PRKACB: variants seen among roughly 807,000 people sequenced by gnomAD.
PRKACB encodes the protein cAMP-dependent protein kinase catalytic subunit beta.
A neutral mutation model predicts 51.4 loss-of-function variants in PRKACB; 16 were observed. That is an observed-to-expected ratio of 0.31 (90% CI 0.21 to 0.47). The LOEUF (loss-of-function observed/expected upper bound fraction) is 0.47, where lower values mean the gene tolerates loss of function less well. Among genes scored for constraint, PRKACB ranks in the 20% least tolerant of loss-of-function variants. The pLI, the probability that PRKACB is intolerant of heterozygous loss-of-function variation, is 1.00. For missense variants in PRKACB, 309 were observed against 464.5 expected, an observed-to-expected ratio of 0.67 and a Z score of 3.08; for synonymous variants, 147 against 154.4, an observed-to-expected ratio of 0.95 and a Z score of 0.35.
At chr1:84,176,437 G>T (rs545852206) in intron 1 of PRKACB, among the ~76,000 whole-genome samples, 41 of 151,736 alleles carry the variant, frequency 2.7e-4, no homozygotes, top group African/African-American at 9.2e-4. Flanking sequence ...TTGTTTTAGG[G>T]TTACACATAA....
chr1:84,214,922 GT>G (rs1035219669), intron 9 of PRKACB, among the ~76,000 whole-genome samples: 9 of 152,176 alleles, frequency 5.9e-5, no homozygotes, highest in Non-Finnish European at 1.2e-4. Flanking sequence ...ATTAGACAAT[GT>G]CCTAAGGGTT....
chr1:84,236,175 A>G lies in PRKACB; in HGVS notation c.*870A>G, dbSNP rs1676642560. ...GGATTTTAGCCAGTATTTTAATAGA[A>G]CATGATTAATGAAAGTGACAAATTT... On this transcript the variant is annotated 3_prime_UTR_variant, in exon 10 of 10. Coordinates refer to ENST00000370685, the MANE Select transcript of PRKACB (RefSeq NM_182948.4). The G allele has an allele frequency of 6.6e-6, 1 of 152,666 alleles. No homozygotes were observed. The highest frequency in any genetic ancestry group is 2.4e-5 in the African/African-American group (1 of 41,460). 9.5% of individuals were successfully genotyped at this position (152,666 alleles called of 1,614,324 possible).
chr1:84,120,755 C>CT (rs918653822), intron 1 of PRKACB, among the ~76,000 whole-genome samples: 6 of 151,608 alleles, frequency 4.0e-5, no homozygotes, highest in Admixed American at 6.6e-5. Flanking sequence ...GTACATTTTT[C>CT]TTTTTTTTCT....
At chr1:84,206,832 A>G (rs1671412458) in intron 8 of PRKACB, among the ~76,000 whole-genome samples, 3 of 152,204 alleles carry the variant, frequency 2.0e-5, no homozygotes, top group African/African-American at 7.2e-5. Context: ...GTTGCCAGAC[A>G]TCTCTCAAGG....
intron 1 of PRKACB, among the ~76,000 whole-genome samples, chr1:84,139,105 T>C (rs1653131723): frequency 6.6e-6 from 1 of 152,172 alleles, no homozygotes; most frequent in Non-Finnish European, 1.5e-5. Context: ...AAAAACTGAA[T>C]GCTTTCTTCC....
At chr1:84,093,428 A>G (rs1238443237) in intron 1 of PRKACB, among the ~76,000 whole-genome samples, 1 of 152,054 alleles carries the variant, frequency 6.6e-6, no homozygotes, top group Non-Finnish European at 1.5e-5. Flanking sequence ...TTTGTTATCA[A>G]AGGCTGAATA....
chr1:84,098,040 G>A (rs188400695), intron 1 of PRKACB, among the ~76,000 whole-genome samples: 92 of 152,186 alleles, frequency 6.0e-4, no homozygotes, highest in African/African-American at 2.1e-3. Context: ...CATAGTGGGT[G>A]TATATCAGGA....
At chr1:84,159,429 G>A (rs1037868687) in intron 1 of PRKACB, among the ~76,000 whole-genome samples, 1 of 152,030 alleles carries the variant, frequency 6.6e-6, no homozygotes, top group Non-Finnish European at 1.5e-5. Context: ...ATATACAAAT[G>A]TTATTGATTT....
chr1:84,181,819 CTT>C lies in PRKACB; in HGVS notation c.250-379_250-378del, dbSNP rs41300528. ...TTAAGTCTGTATGGCTTCTATGACTCTTTGTCAGTATGCCTCTGGTCAGTTTG... is the reference window on the plus strand; with the variant it reads ...TTAAGTCTGTATGGCTTCTATGACTCTGTCAGTATGCCTCTGGTCAGTTTG... On this transcript the variant is annotated intron_variant, in intron 2 of 9. Transcript: ENST00000370685. The C allele has an allele frequency of 9.4e-3, 8,096 of 865,250 alleles. 55 individuals are homozygous for C. The highest frequency in any genetic ancestry group is 0.011 in the Non-Finnish European group (6,837 of 610,920). The allele number at this position is 865,250 out of a possible 1,614,324, so 53.6% of individuals were successfully genotyped here.
At chr1:84,131,746 G>A (rs1652239750) in intron 1 of PRKACB, among the ~76,000 whole-genome samples, 1 of 152,132 alleles carries the variant, frequency 6.6e-6, no homozygotes, top group South Asian at 2.1e-4. Flanking sequence ...ATAAATTGGT[G>A]GGAACATTTA....
intron 1 of PRKACB, among the ~76,000 whole-genome samples, chr1:84,082,448 A>G (rs1345377456): frequency 6.6e-6 from 1 of 152,198 alleles, no homozygotes. Context: ...TTCAAATTAA[A>G]CCACATAAAA....
intron 1 of PRKACB, among the ~76,000 whole-genome samples, chr1:84,101,158 GT>G (rs1259202539): frequency 2.6e-5 from 4 of 152,176 alleles, no homozygotes; most frequent in Non-Finnish European, 5.9e-5. Flanking sequence ...GGCTAGGTAA[GT>G]CTAAAATCTA....
chr1:84,082,816 C>T (rs1647656066), intron 1 of PRKACB, among the ~76,000 whole-genome samples: 1 of 152,144 alleles, frequency 6.6e-6, no homozygotes, highest in South Asian at 2.1e-4. Flanking sequence ...AGGTTTAGAA[C>T]ATAGTTGTTT....
chr1:84,155,897 G>A (rs904220269), intron 1 of PRKACB, among the ~76,000 whole-genome samples: 10 of 152,072 alleles, frequency 6.6e-5, no homozygotes, highest in African/African-American at 1.9e-4. Context: ...TAGAGTCTTC[G>A]TTCAGCTGCT....
intron 9 of PRKACB, among the ~76,000 whole-genome samples, chr1:84,216,897 A>T (rs549970812): frequency 1.3e-5 from 2 of 152,318 alleles, no homozygotes; most frequent in Admixed American, 6.5e-5. Flanking sequence ...ACCACTAAAC[A>T]ATAAATTGTT....
At chr1:84,206,392 G>C (rs1422195646) in intron 8 of PRKACB, among the ~76,000 whole-genome samples, 1 of 152,098 alleles carries the variant, frequency 6.6e-6, no homozygotes, top group African/African-American at 2.4e-5. Flanking sequence ...CTGTCTCCAG[G>C]TTTGATGATT....
intron 1 of PRKACB, among the ~76,000 whole-genome samples, chr1:84,149,436 T>A (rs190883314): frequency 2.0e-4 from 30 of 152,246 alleles, no homozygotes; most frequent in African/African-American, 6.0e-4. Flanking sequence ...ATTTTTTGTA[T>A]TTTTGGTAGA....
chr1:84,124,881 T>C (rs1651430896), intron 1 of PRKACB, among the ~76,000 whole-genome samples: 1 of 152,176 alleles, frequency 6.6e-6, no homozygotes, highest in Non-Finnish European at 1.5e-5. Flanking sequence ...CTCTAAGTGT[T>C]AAAGGGAGAC....
intron 9 of PRKACB, among the ~76,000 whole-genome samples, chr1:84,219,718 A>G (rs935558461): frequency 6.7e-6 from 1 of 150,220 alleles, no homozygotes. Flanking sequence ...TCCTTTCCCC[A>G]CTGTATGTTC....
Sources: allele counts gnomAD v4.1 joint callset (sites outside exome capture counted in the v4.1 genomes callset), GRCh38; gene constraint gnomAD v4.1.1; transcripts MANE v1.5; gene names NCBI Gene and HGNC (gene_info 2026-07-23, HGNC 2026-07-21).